The following CHRNE variants were observed in gnomAD, a reference collection of about 807,000 sequenced individuals.
CHRNE encodes the protein acetylcholine receptor subunit epsilon.
Under a neutral mutation model 56.5 loss-of-function variants are expected in CHRNE, and 58 were observed. The ratio of observed to expected loss-of-function variants is 1.03; its 90% CI spans 0.83 to 1.28. The LOEUF (loss-of-function observed/expected upper bound fraction) is 1.28, where lower values mean the gene tolerates loss of function less well. Ranked by LOEUF, CHRNE falls within the 50% of genes most tolerant of loss-of-function variation. The pLI is 0.00. For synonymous variants in CHRNE, 385 were observed against 297.9 expected (o/e 1.29, Z -3.01); for missense variants, 793 against 688.9 (o/e 1.15, Z -1.69).
chr17:4,899,829 G>A (rs1204932649), intron 8 of CHRNE: 3 of 1,551,158 alleles, frequency 1.9e-6, no homozygotes, highest in South Asian at 2.4e-5. Flanking sequence ...CTCCACCGAG[G>A]TGAGGCTACG....
chr17:4,906,517 G>C (rs563593766), upstream of CHRNE, among the ~76,000 whole-genome samples: 214 of 152,204 alleles, frequency 1.4e-3, no homozygotes, highest in African/African-American at 4.8e-3. Flanking sequence ...TGATCAAAAA[G>C]AGGGCAGAAG....
rs1567636730 is a variant in CHRNE, at chr17:4,899,397, C to T, written c.1033-13G>A. The stretch of plus-strand genomic sequence containing the variant: ...GCTCCAGGAGAACCTGGGGCAGGGG[C>T]GGGGCTTAGGGGACGAGGTTAGTAC... On this transcript the variant is annotated splice_polypyrimidine_tract_variant and intron_variant, in intron 9 of 11. Transcript: ENST00000649488. 3.9e-6 allele frequency: 6 copies of T among 1,534,942 alleles called. No homozygotes were observed. Among genetic ancestry groups the T allele is most frequent in the Admixed American group, 2.0e-5 (1 of 49,196 alleles).
chr17:4,898,738 A>C lies in CHRNE; in HGVS notation c.1480T>G (p.Ter494GluextTer15). ...TGGGAAATTGAAGTCGGTGCGAGCT[A>C]AGGCTGGATACACGGCGCGTAGGGG... is the stretch of plus-strand genomic sequence containing the variant. ...DLPYAPCIQP[*>E] Residue 494 changes from the stop codon to glutamate, a stop_lost, in exon 12 of 12, where the codon TAG becomes GAG. Transcript: ENST00000649488. 6.2e-7 allele frequency: 1 copy of C among 1,610,112 alleles called. No homozygotes were observed. Among genetic ancestry groups the C allele is most frequent in the Non-Finnish European group, 8.5e-7 (1 of 1,178,408 alleles).
In CHRNE at chr17:4,899,112, C is replaced by A. The variant is rs188564977; in HGVS notation, c.1220-5G>T. 8.7e-6 allele frequency: 14 copies of A among 1,606,098 alleles called. No homozygotes were observed. The highest frequency in any genetic ancestry group is 1.2e-5 in the Non-Finnish European group (14 of 1,177,828). On this transcript the variant is annotated splice_polypyrimidine_tract_variant and splice_region_variant and intron_variant, in intron 10 of 11. Transcript: ENST00000649488. Reference sequence around the variant, plus strand: ...CCAGGCTCTGGCAGAAGGCAGCTGGCGGGGAAAACACCGGGGTGGGCCTTA... The same window carrying A: ...CCAGGCTCTGGCAGAAGGCAGCTGGAGGGGAAAACACCGGGGTGGGCCTTA...
intron 8 of CHRNE, 171 bp downstream of exon 8, chr17:4,900,621 GC>G: frequency 6.6e-7 from 1 of 1,507,402 alleles, no homozygotes; most frequent in Non-Finnish European, 9.0e-7. Context: ...ACGTCCAGCA[GC>G]AGTGAGGAGG....
At chr17:4,899,647 G>T in intron 8 of CHRNE, 65 bp from the exon 9 acceptor site, 1 of 1,461,564 alleles carries the variant, frequency 6.8e-7, no homozygotes, top group South Asian at 1.2e-5. Flanking sequence ...GCCGCGCGCT[G>T]ACCTCACAAA....
At position 4,899,038 on chromosome 17, in the gene CHRNE, A is replaced by G. The variant is rs200343520; in HGVS notation, c.1289T>C (p.Val430Ala). Residue 430 changes from valine (V) to alanine (A), a missense_variant, in exon 11 of 12, where the codon GTG (valine) becomes GCG (alanine). Coordinates refer to ENST00000649488, the MANE Select transcript of CHRNE (RefSeq NM_000080.4). ...CTCCTGATCTCTCGTGCTCTCGGCC[A>G]CGAAGTTCACGGCATCCACACAGCA... is the stretch of plus-strand genomic sequence containing the variant. ...VRCCVDAVNF[V>A]AESTRDQEAT... 4 of 1,611,194 alleles carry G rather than the reference A, an allele frequency of 2.5e-6. No individual in the cohort carries two copies. The highest frequency in any genetic ancestry group is 2.7e-5 in the African/African-American group (2 of 75,022).
In CHRNE at chr17:4,901,582, C is replaced by G. The variant is rs1198430909; in HGVS notation, c.544G>C (p.Val182Leu). Residue 182 changes from valine (V) to leucine (L), a missense_variant, in exon 6 of 12, where the codon GTA (valine) becomes CTA (leucine). Physicochemically the swap from Val to Leu is conservative, Grantham distance 32. Coordinates refer to ENST00000649488, the MANE Select transcript of CHRNE (RefSeq NM_000080.4). ...TTGATGGTCTTGCCGTCGTTGTCTACGGCAAAAGTGAACTCCACCTCTTCG... is the reference window on the plus strand; with the variant it reads ...TTGATGGTCTTGCCGTCGTTGTCTAGGGCAAAAGTGAACTCCACCTCTTCG... ...NAEEVEFTFAVDNDGKTINKI... is the reference protein window; with the variant it reads ...NAEEVEFTFALDNDGKTINKI... The G allele has an allele frequency of 8.1e-6, 13 of 1,614,042 alleles. No homozygotes were observed. Among genetic ancestry groups the G allele is most frequent in the Non-Finnish European group, 1.1e-5 (13 of 1,180,004 alleles).
chr17:4,903,707 G>C (rs1022008920), upstream of CHRNE, among the ~76,000 whole-genome samples: 1 of 152,080 alleles, frequency 6.6e-6, no homozygotes, highest in Non-Finnish European at 1.5e-5. Flanking sequence ...AGCCCCTCTG[G>C]GTGGGAGACT....
In CHRNE at chr17:4,898,906, G is replaced by A. The variant is rs1567635568; in HGVS notation, c.1327-15C>T. 1 of 1,572,124 alleles carries A rather than the reference G, an allele frequency of 6.4e-7. No individual in the cohort carries two copies. The highest frequency in any genetic ancestry group is 1.9e-5 in the Admixed American group (1 of 52,584). On this transcript the variant is annotated splice_polypyrimidine_tract_variant and intron_variant, in intron 11 of 11. Coordinates refer to ENST00000649488, the MANE Select transcript of CHRNE (RefSeq NM_000080.4). ...TCGGACACTTCCTGGGGAAGGGTCG[G>A]CACAGTCAGTAAAGAGGCAGCTGCA...
In CHRNE at chr17:4,899,491, C is replaced by A; in HGVS notation, c.1009G>T (p.Ala337Ser). The change falls in exon 9 of 12, where the codon GCC becomes TCC. Residue 337 changes from alanine (A) to serine (S), a missense_variant. Ala to Ser is a moderately conservative substitution (Grantham distance 99, BLOSUM62 1). Transcript: ENST00000649488. Reference sequence around the variant, plus strand: ...ACGTGGCGCAGCCGCGGGGACATGGCGTGGGTGGTGGGCGTCCGCTGGGAC... The same window carrying A: ...ACGTGGCGCAGCCGCGGGGACATGGAGTGGGTGGTGGGCGTCCGCTGGGAC... The part of the protein sequence containing the change: ...NVSQRTPTTH[A>S]MSPRLRHVLL... The A allele has an allele frequency of 6.2e-7, 1 of 1,600,836 alleles. No homozygotes were observed. The highest frequency in any genetic ancestry group is 8.5e-7 in the Non-Finnish European group (1 of 1,175,146).
At chr17:4,907,267 C>G (rs114879609), upstream of CHRNE, among the ~76,000 whole-genome samples, 3,081 of 151,952 alleles carry the variant, frequency 0.02, 97 homozygotes, top group African/African-American at 0.069. Flanking sequence ...AAGGGTCCTT[C>G]AAGAAAACAC....
Position 4,902,280 on chromosome 17 carries a change from C to A in CHRNE, c.281G>T (p.Gly94Val), listed in dbSNP as rs765267109. Residue 94 changes from glycine to valine, a missense_variant, in exon 4 of 12, where the codon GGT (glycine) becomes GTT (valine). Coordinates refer to ENST00000649488, the MANE Select transcript of CHRNE (RefSeq NM_000080.4). The surrounding 1 kb of genome is among the most constrained non-coding windows in gnomAD (Gnocchi z 4.0). ...TGAAGGGACTCGCAGGGTTTCTATA[C>A]CCCCAAAGTCGTCCTTGCTGTAGTT... The part of the protein sequence containing the change: ...RLNYSKDDFG[G>V]IETLRVPSEL... The A allele has an allele frequency of 1.2e-6, 2 of 1,614,162 alleles. No individual in the cohort carries two copies. The highest frequency in any genetic ancestry group is 1.3e-5 in the African/African-American group (1 of 75,046).
rs968720821 is a variant in CHRNE at position 4,898,058 on chromosome 17, A to AC, written c.*677dup. The stretch of plus-strand genomic sequence containing the variant: ...AATAAAGACAATTCAACCAGCTCCC[A>AC]CCATGCAGGCCGCATGTCCTTGCTT... On this transcript the variant is annotated 3_prime_UTR_variant, in exon 12 of 12. Coordinates refer to ENST00000649488, the MANE Select transcript of CHRNE (RefSeq NM_000080.4). 1.4e-5 allele frequency: 2 copies of AC among 140,816 alleles called. No individual in the cohort carries two copies. The highest frequency in any genetic ancestry group is 5.2e-5 in the African/African-American group (2 of 38,282). The allele number at this position is 140,816 out of a possible 1,614,324, so 8.7% of individuals were successfully genotyped here. A position where few individuals can be genotyped will look rare whatever the true frequency, so the allele number is the denominator to read the frequency against.
At chr17:4,908,250 C>G (rs7209905) in intron 1 of CHRNE, among the ~76,000 whole-genome samples, 46,450 of 152,152 alleles carry the variant, frequency 0.31, 7,968 homozygotes, top group East Asian at 0.79. Context: ...GTGCGGGTTA[C>G]AGTGAGTAGA....
rs1597612464 is a variant in CHRNE at position 4,898,780 on chromosome 17, T to C, written c.1438A>G (p.Asn480Asp). Residue 480 changes from asparagine (N) to aspartate (D), a missense_variant, in exon 12 of 12, where the codon AAC becomes GAC. Asn to Asp is a conservative substitution (Grantham distance 23). Coordinates refer to ENST00000649488, the MANE Select transcript of CHRNE (RefSeq NM_000080.4). ...GCGTAGGGGAGATCAGGCACTCGGT[T>C]GAAGTAGGCCCCGAGGAAGATGAGG... ...SSLIFLGAYF[N>D]RVPDLPYAPC... is the part of the protein sequence containing the mutation. The C allele has an allele frequency of 6.2e-7, 1 of 1,609,946 alleles. No homozygotes were observed. The highest frequency in any genetic ancestry group is 8.5e-7 in the Non-Finnish European group (1 of 1,178,570).
chr17:4,901,728 C>A, intron 5 of CHRNE, 103 bp from the exon 6 acceptor site: 1 of 1,304,368 alleles, frequency 7.7e-7, no homozygotes, highest in South Asian at 1.2e-5. Context: ...CGATCCCAAG[C>A]CCACCCCTTC....
chr17:4,900,285 G>A (rs749652335), intron 8 of CHRNE: 80 of 1,545,256 alleles, frequency 5.2e-5, no homozygotes, highest in Non-Finnish European at 6.8e-5. Flanking sequence ...AGACGGCAGC[G>A]CGGGCCCAGC....
chr17:4,901,869 GCCCC>G, intron 5 of CHRNE, 59 bp downstream of exon 5: 39 of 1,541,550 alleles, frequency 2.5e-5, no homozygotes, highest in Middle Eastern at 2.3e-4. Flanking sequence ...TTCCCGGTTG[GCCCC>G]GCCCCATAAG....
Sources: allele counts gnomAD v4.1 joint callset (sites outside exome capture counted in the v4.1 genomes callset), GRCh38; gene constraint gnomAD v4.1.1; non-coding constraint Gnocchi (gnomAD v3.1); transcripts MANE v1.5; gene names NCBI Gene and HGNC (gene_info 2026-07-23, HGNC 2026-07-21).